IFT81: variants seen among roughly 807,000 people sequenced by gnomAD.
IFT81 encodes the protein intraflagellar transport 81.
IFT81 carries 72 observed loss-of-function variants against 102.6 expected under a neutral mutation model. The ratio of observed to expected loss-of-function variants is 0.70; its 90% CI spans 0.58 to 0.85. The LOEUF is 0.85. Among genes scored for constraint, IFT81 ranks in the 40% least tolerant of loss-of-function variants. IFT81 has a pLI of 0.00. For synonymous variants in IFT81, 237 were observed against 242.7 expected (o/e 0.98, Z 0.22); for missense variants, 723 against 787.3 (o/e 0.92, Z 0.98).
chr12:110,192,768 C>T, intron 14 of IFT81, 62 bp downstream of exon 14: 1 of 917,090 alleles, frequency 1.1e-6, no homozygotes, highest in Non-Finnish European at 1.7e-6. Context: ...CTATCTTATT[C>T]ACATGTGCTA....
At chr12:110,177,747 T>C (rs1251792560) in intron 11 of IFT81, among the ~76,000 whole-genome samples, 1 of 152,242 alleles carries the variant, frequency 6.6e-6, no homozygotes, top group Admixed American at 6.5e-5. Flanking sequence ...TGGTGTACTT[T>C]CTATTTCACT....
chr12:110,169,626 G>A (rs1407392910), intron 11 of IFT81, among the ~76,000 whole-genome samples: 2 of 152,176 alleles, frequency 1.3e-5, no homozygotes, highest in Admixed American at 1.3e-4. Flanking sequence ...GCACTGACAT[G>A]ATCTCAACCC....
intron 5 of IFT81, among the ~76,000 whole-genome samples, chr12:110,133,042 C>T (rs1392849953): frequency 6.7e-6 from 1 of 148,806 alleles, no homozygotes; most frequent in African/African-American, 2.5e-5. Flanking sequence ...GTGATCACAG[C>T]TCACTACAGT....
intron 9 of IFT81, among the ~76,000 whole-genome samples, chr12:110,146,101 C>T (rs139578631): frequency 5.3e-5 from 8 of 152,236 alleles, no homozygotes; most frequent in East Asian, 1.9e-4. Flanking sequence ...TGTGAGCCAC[C>T]GTGCCCGGCC....
intron 12 of IFT81, among the ~76,000 whole-genome samples, chr12:110,183,079 A>G (rs1189374111): frequency 6.6e-6 from 1 of 152,222 alleles, no homozygotes; most frequent in East Asian, 1.9e-4. Flanking sequence ...CAGATAGTGT[A>G]GTATGTGGTA....
chr12:110,178,828 G>T (rs140447153), intron 11 of IFT81, among the ~76,000 whole-genome samples: 950 of 150,356 alleles, frequency 6.3e-3, no homozygotes, highest in Non-Finnish European at 8.8e-3. Flanking sequence ...TGTTGGCCAG[G>T]CTGGTTTGGA....
intron 18 of IFT81, among the ~76,000 whole-genome samples, chr12:110,211,424 C>T (rs997371386): frequency 6.6e-6 from 1 of 152,056 alleles, no homozygotes; most frequent in African/African-American, 2.4e-5. Context: ...ATCTCCTGAC[C>T]TCATGATCTG....
At chr12:110,158,968 C>G (rs565951439) in intron 10 of IFT81, among the ~76,000 whole-genome samples, 3 of 151,040 alleles carry the variant, frequency 2.0e-5, no homozygotes, top group Non-Finnish European at 4.4e-5. Flanking sequence ...GTGATCCGCC[C>G]GCCTCAGCCT....
intron 18 of IFT81, among the ~76,000 whole-genome samples, chr12:110,212,937 G>A (rs759554490): frequency 1.3e-4 from 19 of 151,740 alleles, no homozygotes; most frequent in Non-Finnish European, 1.8e-4. Context: ...CATTAAATTC[G>A]TGGCCAGCCT....
intron 10 of IFT81, among the ~76,000 whole-genome samples, chr12:110,150,314 C>A (rs1015152682): frequency 2.3e-4 from 35 of 152,048 alleles, no homozygotes; most frequent in African/African-American, 8.2e-4. Flanking sequence ...CCATGTTGGT[C>A]AGGCTGGTCT....
intron 14 of IFT81, among the ~76,000 whole-genome samples, chr12:110,193,777 G>A (rs1897893003): frequency 6.6e-6 from 1 of 152,044 alleles, no homozygotes; most frequent in Non-Finnish European, 1.5e-5. Flanking sequence ...TGTGATACTT[G>A]CATTTTTTTC....
intron 8 of IFT81, among the ~76,000 whole-genome samples, chr12:110,141,287 C>G (rs1894873878): frequency 6.6e-6 from 1 of 152,102 alleles, no homozygotes; most frequent in East Asian, 1.9e-4. Flanking sequence ...ATTCGCCTGC[C>G]TTGGCCTCTC....
intron 10 of IFT81, among the ~76,000 whole-genome samples, chr12:110,147,751 A>G (rs983934251): frequency 1.3e-5 from 2 of 152,226 alleles, no homozygotes; most frequent in African/African-American, 4.8e-5. Flanking sequence ...CCTGAGCTAC[A>G]GGGCTCATGG....
intron 13 of IFT81, among the ~76,000 whole-genome samples, chr12:110,191,994 A>AAT (rs1198869963): frequency 6.6e-6 from 1 of 152,112 alleles, no homozygotes; most frequent in African/African-American, 2.4e-5. Context: ...AACATGGTGA[A>AAT]ATCCCGTCTC....
chr12:110,205,807 T>C (rs904282861), intron 17 of IFT81, 127 bp downstream of exon 17: 8 of 537,906 alleles, frequency 1.5e-5, no homozygotes, highest in Non-Finnish European at 2.3e-5. Context: ...TATTTAATAC[T>C]AAATCTTACT....
At chr12:110,214,952 A>G (rs1869891604) in intron 18 of IFT81, among the ~76,000 whole-genome samples, 1 of 152,168 alleles carries the variant, frequency 6.6e-6, no homozygotes, top group African/African-American at 2.4e-5. Context: ...CATTATTTGT[A>G]ACATAAACTT....
At chr12:110,208,769 T>C (rs903603154) in intron 17 of IFT81, among the ~76,000 whole-genome samples, 3 of 152,202 alleles carry the variant, frequency 2.0e-5, no homozygotes, top group Non-Finnish European at 2.9e-5. Context: ...TAGGATGACT[T>C]CCTAGAAGTA....
Position 110,218,443 on chromosome 12 carries a change from C to T in IFT81, c.*217C>T, listed in dbSNP as rs1870422954. 2.7e-6 allele frequency: 1 copy of T among 367,160 alleles called. No individual in the cohort carries two copies. The highest frequency in any genetic ancestry group is 2.1e-5 in the African/African-American group (1 of 47,748). 22.7% of individuals were successfully genotyped at this position (367,160 alleles called of 1,614,324 possible). The stretch of plus-strand genomic sequence containing the variant: ...TTATTCTTTTCCATAGTTTAGACAT[C>T]ACTGGCGTCTTCTGAGTTTTATGAG... On this transcript the variant is annotated 3_prime_UTR_variant, in exon 19 of 19. Transcript: ENST00000242591.
At chr12:110,154,177 G>T (rs915167290) in intron 10 of IFT81, among the ~76,000 whole-genome samples, 2 of 151,230 alleles carry the variant, frequency 1.3e-5, no homozygotes, top group African/African-American at 4.9e-5. Flanking sequence ...TAGAGACGGG[G>T]TTTCACCATC....
Sources: gnomAD v4.1 joint callset for allele counts (sites outside exome capture counted in the v4.1 genomes callset) on GRCh38, gnomAD v4.1.1 for gene constraint, MANE v1.5 for transcripts, NCBI Gene and HGNC (gene_info 2026-07-23, HGNC 2026-07-21) for gene names.